The following THSD7A variants were observed in gnomAD, a reference collection of about 807,000 sequenced individuals.
The protein encoded by THSD7A is thrombospondin type-1 domain-containing protein 7A.
Under a neutral mutation model 231.3 loss-of-function variants are expected in THSD7A, and 96 were observed. The observed-to-expected ratio is 0.41, with a 90% CI of 0.35 to 0.49. The LOEUF (loss-of-function observed/expected upper bound fraction) is 0.49. THSD7A is among the 20% of genes least tolerant of loss of function. THSD7A has a pLI of 0.05. For synonymous variants in THSD7A, 940 were observed against 743.3 expected, an observed-to-expected ratio of 1.26 and a Z score of -4.30; for missense variants, 2,290 against 2,070.2, an observed-to-expected ratio of 1.11 and a Z score of -2.06.
chr7:11,519,790 C>T (rs917506484), intron 6 of THSD7A, among the ~76,000 whole-genome samples: 9 of 151,864 alleles, frequency 5.9e-5, no homozygotes, highest in Admixed American at 5.2e-4. Context: ...TGTACTTTTC[C>T]CCAAAAAGCT....
At chr7:11,731,405 G>A (rs2128157297) in intron 1 of THSD7A, among the ~76,000 whole-genome samples, 1 of 151,618 alleles carries the variant, frequency 6.6e-6, no homozygotes, top group Non-Finnish European at 1.5e-5. Context: ...GAAGAGATTT[G>A]TCAAGTAAAT....
chr7:11,617,900 TG>T (rs1322823959), intron 2 of THSD7A, among the ~76,000 whole-genome samples: 10 of 152,102 alleles, frequency 6.6e-5, no homozygotes, highest in Non-Finnish European at 1.5e-4. Context: ...GACAAGTTAA[TG>T]GGTGCAGCAC....
intron 1 of THSD7A, among the ~76,000 whole-genome samples, chr7:11,648,361 G>C (rs979984892): frequency 1.3e-5 from 2 of 151,998 alleles, no homozygotes; most frequent in African/African-American, 4.8e-5. Context: ...TATGAGCCAT[G>C]AGTCAAGGGA....
intron 2 of THSD7A, among the ~76,000 whole-genome samples, chr7:11,615,783 T>C (rs1781084660): frequency 6.6e-6 from 1 of 152,190 alleles, no homozygotes; most frequent in Non-Finnish European, 1.5e-5. Context: ...AACATTGATT[T>C]AATCCAGATT....
intron 1 of THSD7A, among the ~76,000 whole-genome samples, chr7:11,707,889 A>G (rs904355540): frequency 1.3e-5 from 2 of 150,608 alleles, no homozygotes; most frequent in South Asian, 2.1e-4. Flanking sequence ...TTTTTTTTTG[A>G]TTGTTTAACA....
intron 1 of THSD7A, among the ~76,000 whole-genome samples, chr7:11,703,339 T>C (rs1361866155): frequency 1.3e-5 from 2 of 151,214 alleles, no homozygotes; most frequent in Non-Finnish European, 3.0e-5. Context: ...ACTGTGCTTG[T>C]TATTTATTAT....
intron 1 of THSD7A, among the ~76,000 whole-genome samples, chr7:11,688,781 A>C (rs1357291049): frequency 1.3e-5 from 2 of 151,732 alleles, no homozygotes; most frequent in African/African-American, 4.8e-5. Flanking sequence ...GAAACAAGGA[A>C]ATTGTTGGGC....
intron 1 of THSD7A, among the ~76,000 whole-genome samples, chr7:11,790,657 G>T (rs558652754): frequency 2.1e-4 from 32 of 151,802 alleles, no homozygotes; most frequent in African/African-American, 7.5e-4. Flanking sequence ...GATGTGTTTA[G>T]CAGTCTAGAA....
At chr7:11,423,455 G>A (rs1467391562) in intron 16 of THSD7A, among the ~76,000 whole-genome samples, 2 of 148,162 alleles carry the variant, frequency 1.3e-5, no homozygotes, top group Non-Finnish European at 3.0e-5. Context: ...TGCAAGCTCC[G>A]CCTCCCGGGT....
intron 13 of THSD7A, among the ~76,000 whole-genome samples, chr7:11,441,046 C>T (rs930803124): frequency 9.2e-5 from 14 of 152,122 alleles, no homozygotes; most frequent in South Asian, 4.2e-4. Context: ...ACCACTGCAA[C>T]GCCAGTAGGT....
At chr7:11,439,921 A>T (rs1784750078) in intron 13 of THSD7A, among the ~76,000 whole-genome samples, 1 of 152,112 alleles carries the variant, frequency 6.6e-6, no homozygotes, top group Admixed American at 6.6e-5. Context: ...TTCAATGTAG[A>T]TGAAACAGCC....
intron 6 of THSD7A, among the ~76,000 whole-genome samples, chr7:11,485,004 C>T (rs1311797625): frequency 6.8e-6 from 1 of 147,610 alleles, no homozygotes; most frequent in Non-Finnish European, 1.5e-5. Flanking sequence ...GATTCTCCTG[C>T]CTCAGCCTCC....
intron 9 of THSD7A, among the ~76,000 whole-genome samples, chr7:11,465,789 G>C (rs1785678803): frequency 6.6e-6 from 1 of 152,002 alleles, no homozygotes; most frequent in African/African-American, 2.4e-5. Flanking sequence ...AGAAAAAAAA[G>C]GAGCAAACAG....
rs1583686324 is a variant in THSD7A, at chr7:11,408,839, T to C, written c.3799-1416A>G. ...GAGCTGAGTATTTGGTATGAAAACTTTTACCATATCACTCAATCGAAGCCT... is the reference window on the plus strand; with the variant it reads ...GAGCTGAGTATTTGGTATGAAAACTCTTACCATATCACTCAATCGAAGCCT... On this transcript the variant is annotated intron_variant, in intron 19 of 27. Transcript: ENST00000423059. Among the ~76,000 whole-genome samples the C allele has an allele frequency of 2.6e-5, 4 of 152,274 alleles. No individual in the cohort carries two copies. In the East Asian group the frequency reaches 7.7e-4, roughly 29 times the overall value.
chr7:11,686,496 G>A (rs1021929991), intron 1 of THSD7A, among the ~76,000 whole-genome samples: 1 of 151,818 alleles, frequency 6.6e-6, no homozygotes, highest in Admixed American at 6.6e-5. Flanking sequence ...ACTTTCATAT[G>A]GCTCAACCTG....
rs532244680 is a variant in THSD7A at position 11,408,690 on chromosome 7, C to T, written c.3799-1267G>A. ...GGCAAAAATTTATTTTGAAACATTA[C>T]GTTGTGTTTCAAGTATAGCTCTTAG... is the stretch of plus-strand genomic sequence containing the variant. On this transcript the variant is annotated intron_variant, in intron 19 of 27. Coordinates refer to ENST00000423059, the MANE Select transcript of THSD7A (RefSeq NM_015204.3). Among the ~76,000 whole-genome samples, 6 of 151,976 alleles carry T rather than the reference C, an allele frequency of 3.9e-5. No individual in the cohort carries two copies. The South Asian group carries it at 6.3e-4, about 16-fold the overall frequency.
rs1392736612 is a variant in THSD7A, at chr7:11,594,941, G to A, written c.1023-1439C>T. ...AACTTGGAATGCAGACGTGTGGGGG[G>A]ACCCTGATGAAGCTGGGGACACTGA... On this transcript the variant is annotated intron_variant, in intron 2 of 27. Transcript: ENST00000423059. Among the ~76,000 whole-genome samples, 3 of 152,082 alleles carry A rather than the reference G, an allele frequency of 2.0e-5. No individual in the cohort carries two copies. In the East Asian group the frequency reaches 5.8e-4, roughly 29 times the overall value.
chr7:11,605,428 GTCTAA>G (rs1780702071), intron 2 of THSD7A, among the ~76,000 whole-genome samples: 1 of 152,058 alleles, frequency 6.6e-6, no homozygotes, highest in Non-Finnish European at 1.5e-5. Context: ...TACTGGCTTA[GTCTAA>G]TCTAAAGTTT....
At chr7:11,734,658 T>C (rs1781846475) in intron 1 of THSD7A, among the ~76,000 whole-genome samples, 1 of 151,956 alleles carries the variant, frequency 6.6e-6, no homozygotes. Flanking sequence ...TTAATGACCT[T>C]ATTTTGCTAC....
Sources: allele counts gnomAD v4.1 joint callset (sites outside exome capture counted in the v4.1 genomes callset), GRCh38; gene constraint gnomAD v4.1.1; transcripts MANE v1.5; gene names NCBI Gene and HGNC (gene_info 2026-07-23, HGNC 2026-07-21).